The following ARHGAP32 variants were observed in gnomAD, a reference collection of about 807,000 sequenced individuals.
ARHGAP32 encodes Rho GTPase activating protein 32.
ARHGAP32 carries 51 observed loss-of-function variants against 186.5 expected under a neutral mutation model. The observed-to-expected ratio is 0.27, with a 90% CI of 0.22 to 0.35. ARHGAP32 has a LOEUF of 0.35. ARHGAP32 is among the 10% of genes least tolerant of loss of function. ARHGAP32 has a pLI of 1.00. For synonymous variants in ARHGAP32, 950 were observed against 964.3 expected (o/e 0.99, Z 0.27); for missense variants, 2,186 against 2,623.5 (o/e 0.83, Z 3.64).
Position 129,123,988 on chromosome 11 carries a change from A to ACTAT in ARHGAP32, c.318-63_318-60dup. ...TTCCTCTACTTACACATGAAGCATA[A>ACTAT]CTATCTAACTCTACTAAGTGAAAAG... On this transcript the variant is annotated intron_variant, in intron 3 of 22. Coordinates refer to ENST00000682385, the MANE Select transcript of ARHGAP32 (RefSeq NM_001378024.1). The surrounding 1 kb of genome is among the most constrained non-coding windows in gnomAD (Gnocchi z 4.6). 8.5e-7 allele frequency: 1 copy of ACTAT among 1,172,210 alleles called. No homozygotes were observed. The highest frequency in any genetic ancestry group is 1.3e-5 in the South Asian group (1 of 75,412). The allele number at this position is 1,172,210 out of a possible 1,614,324, so 72.6% of individuals were successfully genotyped here.
chr11:129,177,446 C>A (rs1402449018), intron 1 of ARHGAP32, among the ~76,000 whole-genome samples: 1 of 152,174 alleles, frequency 6.6e-6, no homozygotes, highest in Non-Finnish European at 1.5e-5. Context: ...ACGAGGCCAG[C>A]ATCATCCTGA....
chr11:129,265,208 G>A (rs772243355), intron 1 of ARHGAP32, among the ~76,000 whole-genome samples: 18 of 152,122 alleles, frequency 1.2e-4, no homozygotes, highest in Middle Eastern at 3.2e-3. Context: ...CATGTCTCTC[G>A]TGCATTCTAG....
chr11:129,160,126 C>T (rs2135477021), intron 2 of ARHGAP32, among the ~76,000 whole-genome samples: 1 of 152,262 alleles, frequency 6.6e-6, no homozygotes, highest in South Asian at 2.1e-4. Context: ...CTATTTATGA[C>T]AAACCCACAG....
intron 2 of ARHGAP32, among the ~76,000 whole-genome samples, chr11:129,138,584 A>G (rs1355245294): frequency 1.3e-5 from 2 of 152,172 alleles, no homozygotes; most frequent in East Asian, 1.9e-4. Context: ...TCCCATATTC[A>G]AAGTGCTAAT....
At chr11:129,189,810 T>C (rs987271502) in intron 1 of ARHGAP32, among the ~76,000 whole-genome samples, 1 of 151,368 alleles carries the variant, frequency 6.6e-6, no homozygotes, top group African/African-American at 2.5e-5. Flanking sequence ...AAACATTAAC[T>C]TGTCTCTGAG....
chr11:129,145,593 A>T (rs555785040), intron 2 of ARHGAP32, among the ~76,000 whole-genome samples: 1 of 152,236 alleles, frequency 6.6e-6, no homozygotes, highest in South Asian at 2.1e-4. Context: ...CAGTAAAAGC[A>T]ACATCCAGAT....
chr11:129,156,209 C>A (rs1242909013), intron 2 of ARHGAP32, among the ~76,000 whole-genome samples: 2 of 152,108 alleles, frequency 1.3e-5, no homozygotes, highest in Admixed American at 1.3e-4. Context: ...TTTTTTCATA[C>A]CCCAGTGGCG....
At chr11:129,097,882 T>G (rs1941780488) in intron 5 of ARHGAP32, among the ~76,000 whole-genome samples, 1 of 152,042 alleles carries the variant, frequency 6.6e-6, no homozygotes, top group Non-Finnish European at 1.5e-5. Flanking sequence ...AATCAAATGT[T>G]CAAAATACAA....
At chr11:129,198,354 T>C (rs1031587122) in intron 1 of ARHGAP32, among the ~76,000 whole-genome samples, 4 of 152,220 alleles carry the variant, frequency 2.6e-5, no homozygotes, top group African/African-American at 7.2e-5. Flanking sequence ...AGTGTGGTCT[T>C]AGACAAGTGA....
intron 2 of ARHGAP32, among the ~76,000 whole-genome samples, chr11:129,148,999 T>C (rs1320887129): frequency 6.6e-6 from 1 of 152,126 alleles, no homozygotes; most frequent in Non-Finnish European, 1.5e-5. Flanking sequence ...AACCTGATGG[T>C]ATTTCTCTAT....
At chr11:129,063,271 T>A (rs1238188943) in intron 9 of ARHGAP32, among the ~76,000 whole-genome samples, 7 of 152,188 alleles carry the variant, frequency 4.6e-5, no homozygotes, top group Non-Finnish European at 5.9e-5. Flanking sequence ...TGAAAACAGT[T>A]CAGATTCTAT....
rs186986086 is a variant in ARHGAP32, at chr11:129,203,959, A to G, written c.-4-39532T>C. On this transcript the variant is annotated intron_variant, in intron 1 of 6. Coordinates refer to the ARHGAP32 transcript ENST00000525234. ...TATATATAATTTTATACATATATAA[A>G]TTATACATATAAAAGTACATATATA... Among the ~76,000 whole-genome samples the G allele has an allele frequency of 6.3e-4, 93 of 148,030 alleles. 1 individual carries two copies. The South Asian group carries it at 8.8e-3, about 14-fold the overall frequency.
Position 128,970,405 on chromosome 11 carries a change from G to T in ARHGAP32, c.4808C>A (p.Pro1603Gln). ...AACAGAGCGAATCATGGAAGACGGC[G>T]GAGCATGGAGAGACTGCACTCTCCG... Reference protein sequence around the residue: ...TIRRVQSLHAPPSSMIRSVPI... With the variant: ...TIRRVQSLHAQPSSMIRSVPI... Residue 1603 changes from proline to glutamine, a missense_variant, in exon 23 of 23, where the codon CCG (proline) becomes CAG (glutamine). Transcript: ENST00000682385. The surrounding 1 kb of genome is among the most constrained non-coding windows in gnomAD (Gnocchi z 5.8). 1.2e-6 allele frequency: 2 copies of T among 1,614,124 alleles called. No homozygotes were observed. The highest frequency in any genetic ancestry group is 1.7e-6 in the Non-Finnish European group (2 of 1,180,028).
At position 128,965,556 on chromosome 11, in the gene ARHGAP32, G is replaced by A. The variant is rs1207698653; in HGVS notation, c.*3351C>T. 4.6e-5 allele frequency: 7 copies of A among 152,128 alleles called. No individual in the cohort carries two copies. Among genetic ancestry groups the A allele is most frequent in the Non-Finnish European group, 1.0e-4 (7 of 68,026 alleles). 9.4% of individuals were successfully genotyped at this position (152,128 alleles called of 1,614,324 possible). ...ATCAGATAAGGAAAAAAGACCCTCT[G>A]TGCACACTGACATTATCTTGCACAC... On this transcript the variant is annotated 3_prime_UTR_variant, in exon 23 of 23. Coordinates refer to ENST00000682385, the MANE Select transcript of ARHGAP32 (RefSeq NM_001378024.1).
chr11:129,195,570 A>G (rs1050770901), upstream of ARHGAP32, among the ~76,000 whole-genome samples: 14 of 152,008 alleles, frequency 9.2e-5, no homozygotes, highest in Non-Finnish European at 1.5e-5. Flanking sequence ...TTTTATTTTT[A>G]GTAGAGAAGA....
chr11:129,145,669 T>C (rs1943154128), intron 2 of ARHGAP32, among the ~76,000 whole-genome samples: 1 of 152,182 alleles, frequency 6.6e-6, no homozygotes, highest in Non-Finnish European at 1.5e-5. Flanking sequence ...AATAGTCACA[T>C]GCTTAAGCAT....
At chr11:129,242,733 TAAAG>T (rs1196104545) in intron 1 of ARHGAP32, among the ~76,000 whole-genome samples, 4 of 150,562 alleles carry the variant, frequency 2.7e-5, no homozygotes, top group African/African-American at 7.3e-5. Context: ...AAAAAAAAGA[TAAAG>T]AAAAAAGAAA....
intron 2 of ARHGAP32, 49 bp downstream of exon 2, chr11:129,164,270 A>T (rs1372215442): frequency 8.8e-7 from 1 of 1,139,774 alleles, no homozygotes; most frequent in Non-Finnish European, 1.2e-6. Flanking sequence ...TATAAGTGCT[A>T]TATATACATA....
chr11:128,970,444 G>A lies in ARHGAP32; in HGVS notation c.4769C>T (p.Pro1590Leu), dbSNP rs200523515. Residue 1590 changes from proline to leucine, a missense_variant, in exon 23 of 23, where the codon CCG becomes CTG. This residue lies in a region of ARHGAP32 where 1,502 missense variants were observed against 1,570.0 expected (regional missense o/e 0.96). Transcript: ENST00000682385. This position sits in a 1 kb window ranked among gnomAD's most constrained non-coding sequence, Gnocchi z 5.8. The part of the protein sequence containing the change: ...RNTCYPEDIP[P>L]YPTIRRVQSL... The stretch of plus-strand genomic sequence containing the variant: ...CTGCACTCTCCGGATGGTAGGGTAC[G>A]GTGGAATGTCTTCGGGGTAACAGGT... The A allele has an allele frequency of 8.1e-6, 13 of 1,614,166 alleles. No individual in the cohort carries two copies. The highest frequency in any genetic ancestry group is 5.0e-5 in the Admixed American group (3 of 60,020).
Sources: gnomAD v4.1 joint callset for allele counts (sites outside exome capture counted in the v4.1 genomes callset) on GRCh38, gnomAD v4.1.1 for gene constraint, gnomAD v4.1.1 regional missense constraint, Gnocchi (gnomAD v3.1) non-coding constraint, MANE v1.5 for transcripts, NCBI Gene and HGNC (gene_info 2026-07-23, HGNC 2026-07-21) for gene names.